The following PPARG variants were observed in gnomAD, a reference collection of about 807,000 sequenced individuals.
The protein encoded by PPARG is peroxisome proliferator-activated receptor gamma.
Under a neutral mutation model 39.2 loss-of-function variants are expected in PPARG, and 17 were observed. The ratio of observed to expected loss-of-function variants is 0.43; its 90% CI spans 0.30 to 0.65. The LOEUF is 0.65. Among genes scored for constraint, PPARG ranks in the 30% least tolerant of loss-of-function variants. PPARG has a pLI of 0.13. For missense variants in PPARG, 406 were observed against 585.9 expected, an observed-to-expected ratio of 0.69 and a Z score of 3.17; for synonymous variants, 223 against 215.7, an observed-to-expected ratio of 1.03 and a Z score of -0.30.
At chr3:12,336,588 C>G (rs1412755355) in intron 2 of PPARG, among the ~76,000 whole-genome samples, 1 of 152,158 alleles carries the variant, frequency 6.6e-6, no homozygotes, top group African/African-American at 2.4e-5. Context: ...TTAATTTTAT[C>G]TACTCTAGAA....
intron 3 of PPARG, among the ~76,000 whole-genome samples, chr3:12,380,518 A>G (rs1312427727): frequency 6.6e-6 from 1 of 152,182 alleles, no homozygotes; most frequent in African/African-American, 2.4e-5. Flanking sequence ...GATAAAATGT[A>G]TTTCTGTGAT....
At chr3:12,380,516 G>A (rs138394998) in intron 3 of PPARG, among the ~76,000 whole-genome samples, 23 of 152,258 alleles carry the variant, frequency 1.5e-4, no homozygotes, top group Non-Finnish European at 2.6e-4. Context: ...GAGATAAAAT[G>A]TATTTCTGTG....
chr3:12,316,989 C>G (rs2047406663), intron 2 of PPARG, among the ~76,000 whole-genome samples: 1 of 152,146 alleles, frequency 6.6e-6, no homozygotes, highest in Admixed American at 6.6e-5. Context: ...CTTGTTTGGT[C>G]TCAGTGATTT....
intron 2 of PPARG, among the ~76,000 whole-genome samples, chr3:12,347,322 A>AT (rs1342302492): frequency 6.6e-6 from 1 of 152,100 alleles, no homozygotes; most frequent in Non-Finnish European, 1.5e-5. Context: ...CCGGTCAAAA[A>AT]TTTTTTTAAT....
intron 2 of PPARG, among the ~76,000 whole-genome samples, chr3:12,366,481 T>A (rs1360107169): frequency 6.6e-5 from 10 of 152,176 alleles, no homozygotes; most frequent in Admixed American, 6.5e-4. Flanking sequence ...AGTATGATGT[T>A]GAAAAGCAGT....
At chr3:12,369,271 C>T (rs1355238119) in intron 2 of PPARG, among the ~76,000 whole-genome samples, 4 of 152,260 alleles carry the variant, frequency 2.6e-5, no homozygotes, top group East Asian at 1.9e-4. Context: ...ATGGGCACAT[C>T]GCTTGAGCCC....
intron 2 of PPARG, among the ~76,000 whole-genome samples, chr3:12,343,546 G>A (rs953547461): frequency 6.6e-6 from 1 of 152,168 alleles, no homozygotes; most frequent in Non-Finnish European, 1.5e-5. Context: ...AGTCAGTGGC[G>A]AGTACTGCAG....
chr3:12,349,276 A>G (rs552732788), intron 2 of PPARG, among the ~76,000 whole-genome samples: 1 of 152,368 alleles, frequency 6.6e-6, no homozygotes, highest in East Asian at 1.9e-4. Context: ...TTCAGTATCT[A>G]AAGACAAAAC....
chr3:12,382,152 G>A (rs1176551367), intron 4 of PPARG, among the ~76,000 whole-genome samples: 2 of 152,188 alleles, frequency 1.3e-5, no homozygotes, highest in East Asian at 1.9e-4. Context: ...GGTGGTGTTG[G>A]CTCTCAAAGC....
At chr3:12,411,269 T>G (rs1276297142) in intron 6 of PPARG, among the ~76,000 whole-genome samples, 1 of 152,062 alleles carries the variant, frequency 6.6e-6, no homozygotes, top group Non-Finnish European at 1.5e-5. Context: ...ACTCTTTGGC[T>G]GGCAATTGAT....
At chr3:12,359,810 G>T (rs562724224) in intron 2 of PPARG, among the ~76,000 whole-genome samples, 2 of 151,872 alleles carry the variant, frequency 1.3e-5, no homozygotes, top group East Asian at 3.9e-4. Context: ...GAGTAACTGG[G>T]ATTAGAGGCA....
At chr3:12,433,212 C>T (rs1038428297) in intron 7 of PPARG, among the ~76,000 whole-genome samples, 7 of 152,162 alleles carry the variant, frequency 4.6e-5, no homozygotes, top group African/African-American at 7.2e-5. Flanking sequence ...AGCTATAAAA[C>T]GTAGATTCAT....
chr3:12,429,769 T>C (rs2051592683), intron 7 of PPARG, among the ~76,000 whole-genome samples: 1 of 152,078 alleles, frequency 6.6e-6, no homozygotes, highest in Non-Finnish European at 1.5e-5. Context: ...TAAACCAAGG[T>C]GCCAGTCTGG....
intron 7 of PPARG, among the ~76,000 whole-genome samples, chr3:12,417,931 A>T: frequency 2.3e-5 from 1 of 43,952 alleles, no homozygotes; most frequent in African/African-American, 2.5e-4. Flanking sequence ...TTTTTGTGAG[A>T]CAGGGCCTCA....
chr3:12,376,563 G>A (rs2049419434), intron 2 of PPARG, among the ~76,000 whole-genome samples: 1 of 152,118 alleles, frequency 6.6e-6, no homozygotes, highest in South Asian at 2.1e-4. Context: ...TCTTGAGTTT[G>A]CATCTTCTAC....
chr3:12,412,289 A>T (rs981839401), intron 6 of PPARG, among the ~76,000 whole-genome samples: 1 of 152,150 alleles, frequency 6.6e-6, no homozygotes, highest in Non-Finnish European at 1.5e-5. Context: ...TAAAAAAAAA[A>T]TTAATTACTC....
chr3:12,338,270 C>T (rs1342346481), intron 2 of PPARG, among the ~76,000 whole-genome samples: 1 of 152,130 alleles, frequency 6.6e-6, no homozygotes. Context: ...GTTTTGTAAC[C>T]ATGACACTGA....
At chr3:12,384,932 A>G (rs1284633971) in intron 4 of PPARG, among the ~76,000 whole-genome samples, 2 of 152,166 alleles carry the variant, frequency 1.3e-5, no homozygotes, top group Non-Finnish European at 2.9e-5. Flanking sequence ...TATAATTTTA[A>G]AAAGAGTAAA....
chr3:12,302,558 A>G (rs1487853221), intron 1 of PPARG, among the ~76,000 whole-genome samples: 2 of 152,242 alleles, frequency 1.3e-5, no homozygotes, highest in Non-Finnish European at 2.9e-5. Context: ...TGAGGTAACC[A>G]AAAGAGAAAA....
Sources: allele counts gnomAD v4.1 joint callset (sites outside exome capture counted in the v4.1 genomes callset), GRCh38; gene constraint gnomAD v4.1.1; transcripts MANE v1.5; gene names NCBI Gene and HGNC (gene_info 2026-07-23, HGNC 2026-07-21).